The following SUFU variants were observed in gnomAD, a reference collection of about 807,000 sequenced individuals.
The protein encoded by SUFU is suppressor of fused homolog.
In SUFU, 7 loss-of-function variants were observed where a neutral mutation model predicts 58.9. The observed-to-expected ratio is 0.12, with a 90% confidence interval of 0.07 to 0.22. The LOEUF (loss-of-function observed/expected upper bound fraction) is 0.22, where lower values mean the gene tolerates loss of function less well. Among genes scored for constraint, SUFU ranks in the 10% least tolerant of loss-of-function variants. SUFU has a pLI of 1.00. For synonymous variants in SUFU, 232 were observed against 254.8 expected (o/e 0.91, Z 0.85); for missense variants, 451 against 641.3 (o/e 0.70, Z 3.20).
At chr10:102,503,937 C>G (rs1245923609), upstream of SUFU, 7 of 586,116 alleles carry the variant, frequency 1.2e-5, no homozygotes, top group South Asian at 2.6e-5. Context: ...GCCCCGCCCC[C>G]CTTAGCGCCC....
At position 102,619,099 on chromosome 10, in the gene SUFU, T is replaced by G; in HGVS notation, c.1296+1671T>G. ...CTATCCTCGGAGCTCTGCCCTCCCG[T>G]CCTGGAACGTCTTTCTGCCCTGAGG... On this transcript the variant is annotated intron_variant, in intron 10 of 11. Coordinates refer to ENST00000369902, the MANE Select transcript of SUFU (RefSeq NM_016169.4). This position sits in a 1 kb window ranked among gnomAD's most constrained non-coding sequence, Gnocchi z 4.2. 6.2e-7 allele frequency: 1 copy of G among 1,612,770 alleles called. No homozygotes were observed. The highest frequency in any genetic ancestry group is 8.5e-7 in the Non-Finnish European group (1 of 1,179,864).
At chr10:102,579,846 T>C in intron 3 of SUFU, 1 of 985,374 alleles carries the variant, frequency 1.0e-6, no homozygotes, top group Non-Finnish European at 1.2e-6. Flanking sequence ...CATCCAGAAC[T>C]TTGAAAAGGT....
chr10:102,513,103 G>A (rs980636617), intron 2 of SUFU, among the ~76,000 whole-genome samples: 2 of 151,876 alleles, frequency 1.3e-5, no homozygotes, highest in African/African-American at 2.4e-5. Flanking sequence ...AATAAAACAC[G>A]AATAGGTACC....
At chr10:102,627,134 A>G (rs1168985484) in intron 10 of SUFU, 41 bp from the exon 11 acceptor site, 4 of 1,607,984 alleles carry the variant, frequency 2.5e-6, no homozygotes, top group Admixed American at 3.3e-5. Context: ...AAGATCATAC[A>G]TTTAAAAATA....
At chr10:102,594,163 T>A (rs1266297876) in intron 6 of SUFU, 98 bp downstream of exon 6, 1 of 1,185,612 alleles carries the variant, frequency 8.4e-7, no homozygotes, top group East Asian at 2.4e-5. Flanking sequence ...GACCTTTATG[T>A]GTGAGTGAGT....
At chr10:102,520,395 T>C (rs533004607) in intron 2 of SUFU, among the ~76,000 whole-genome samples, 14 of 151,726 alleles carry the variant, frequency 9.2e-5, no homozygotes, top group African/African-American at 3.4e-4. Context: ...TTTTTTTGTA[T>C]GTTTAGTAGA....
chr10:102,517,883 A>G (rs970180741), intron 2 of SUFU, among the ~76,000 whole-genome samples: 1 of 152,178 alleles, frequency 6.6e-6, no homozygotes, highest in Non-Finnish European at 1.5e-5. Context: ...GTACAGGCAG[A>G]ACATTGGACA....
chr10:102,610,600 A>C (rs1257395603), intron 8 of SUFU, among the ~76,000 whole-genome samples: 3 of 152,130 alleles, frequency 2.0e-5, no homozygotes. Context: ...TGGTTGGATG[A>C]GCATACCCAA....
chr10:102,538,349 C>T (rs1590005265), intron 2 of SUFU, among the ~76,000 whole-genome samples: 2 of 149,054 alleles, frequency 1.3e-5, no homozygotes, highest in Non-Finnish European at 1.5e-5. Flanking sequence ...ATGCAAGAGG[C>T]TTTTTTTTTT....
chr10:102,521,776 T>G (rs764970060), intron 2 of SUFU, among the ~76,000 whole-genome samples: 6 of 152,238 alleles, frequency 3.9e-5, no homozygotes, highest in Admixed American at 2.6e-4. Flanking sequence ...TCTAAAACTT[T>G]CCTGGCCTGG....
intron 7 of SUFU, among the ~76,000 whole-genome samples, chr10:102,598,152 C>T (rs1295641684): frequency 6.6e-6 from 1 of 151,930 alleles, no homozygotes; most frequent in African/African-American, 2.4e-5. Flanking sequence ...AATATTTGAG[C>T]CCTTTCTTTT....
chr10:102,592,776 G>A (rs765461910), intron 4 of SUFU, 52 bp downstream of exon 4: 1 of 1,606,294 alleles, frequency 6.2e-7, no homozygotes, highest in East Asian at 2.2e-5. Flanking sequence ...AAGGGTCCTG[G>A]GAGGACAAGG....
intron 1 of SUFU, among the ~76,000 whole-genome samples, chr10:102,506,116 TGAG>T (rs1272321082): frequency 6.8e-6 from 1 of 147,692 alleles, no homozygotes; most frequent in East Asian, 2.0e-4. Context: ...CATTTGAGTG[TGAG>T]GAGAAATCCC....
Position 102,528,932 on chromosome 10 carries a change from A to C in SUFU, c.317+19629A>C, listed in dbSNP as rs2062643278. ...CTCCCAGGTCAGAGTATGAGAGTGC[A>C]GTCTTCGCTGATGTGGCTTTTTTCC... On this transcript the variant is annotated intron_variant, in intron 2 of 11. Transcript: ENST00000369902. Among the ~76,000 whole-genome samples, 3 of 150,102 alleles carry C rather than the reference A, an allele frequency of 2.0e-5. No homozygotes were observed. The South Asian group carries it at 6.4e-4, about 32-fold the overall frequency.
At chr10:102,525,626 C>T (rs1010854571) in intron 2 of SUFU, among the ~76,000 whole-genome samples, 4 of 152,102 alleles carry the variant, frequency 2.6e-5, no homozygotes, top group African/African-American at 9.7e-5. Flanking sequence ...CCTCAGTCTC[C>T]TGAGTAGCTG....
Position 102,625,473 on chromosome 10 carries a change from G to T in SUFU, c.1297-1702G>T, listed in dbSNP as rs1003678061. On this transcript the variant is annotated intron_variant, in intron 10 of 11. Transcript: ENST00000369902. The surrounding 1 kb of genome is among the most constrained non-coding windows in gnomAD (Gnocchi z 4.7). ...TTGTCTCCTTGCCAGCCAAAAGAGGGTGCTTGTCCTGGTGGGAAATGAGCT... is the reference window on the plus strand; with the variant it reads ...TTGTCTCCTTGCCAGCCAAAAGAGGTTGCTTGTCCTGGTGGGAAATGAGCT... Among the ~76,000 whole-genome samples, 9 of 152,138 alleles carry T rather than the reference G, an allele frequency of 5.9e-5. No individual in the cohort carries two copies. Among genetic ancestry groups the T allele is most frequent in the Non-Finnish European group, 8.8e-5 (6 of 68,014 alleles).
In SUFU at chr10:102,586,412, G is replaced by A. The variant is rs535169511; in HGVS notation, c.455-6170G>A. On this transcript the variant is annotated intron_variant, in intron 3 of 11. Transcript: ENST00000369902. ...ATTAAGCCTGGGCACGGTGGCTTAC[G>A]CCTGTAATCCCAGCACTTTGGGAGG... Among the ~76,000 whole-genome samples, 503 of 151,924 alleles carry A rather than the reference G, an allele frequency of 3.3e-3. 5 individuals carry two copies. The highest frequency in any genetic ancestry group is 0.011 in the African/African-American group (474 of 41,480).
At chr10:102,604,947 C>T (rs1351785488) in intron 8 of SUFU, among the ~76,000 whole-genome samples, 12 of 117,618 alleles carry the variant, frequency 1.0e-4, no homozygotes, top group African/African-American at 3.4e-4. Flanking sequence ...TTTTTTTTAA[C>T]ACGAGGTGAA....
chr10:102,555,185 A>C (rs774464912), intron 3 of SUFU, among the ~76,000 whole-genome samples: 1 of 149,670 alleles, frequency 6.7e-6, no homozygotes, highest in African/African-American at 2.5e-5. Context: ...GGAGAATGGC[A>C]TGAACCCAAG....
Sources: allele counts gnomAD v4.1 joint callset (sites outside exome capture counted in the v4.1 genomes callset), GRCh38; gene constraint gnomAD v4.1.1; non-coding constraint Gnocchi (gnomAD v3.1); transcripts MANE v1.5; gene names NCBI Gene and HGNC (gene_info 2026-07-23, HGNC 2026-07-21).